The following ARHGAP6 variants were observed in gnomAD, a reference collection of about 807,000 sequenced individuals.
The protein encoded by ARHGAP6 is Rho GTPase activating protein 6, also known as rho GTPase-activating protein 6.
A neutral mutation model predicts 55.7 loss-of-function variants in ARHGAP6; 16 were observed. The ratio of observed to expected loss-of-function variants is 0.29; its 90% CI spans 0.19 to 0.44. The LOEUF (loss-of-function observed/expected upper bound fraction) is 0.44. Among genes scored for constraint, ARHGAP6 ranks in the 20% least tolerant of loss-of-function variants. The probability of loss-of-function intolerance (pLI) is 1.00; values close to 1 mark genes in which losing one functional copy is unlikely to be tolerated. For synonymous variants in ARHGAP6, 382 were observed against 360.9 expected (o/e 1.06, Z -0.66); for missense variants, 698 against 808.9 (o/e 0.86, Z 1.66).
At chrX:11,241,666 T>C (rs930619487) in intron 2 of ARHGAP6, among the ~76,000 whole-genome samples, 3 of 110,490 alleles carry the variant, frequency 2.7e-5, no homozygotes, top group Non-Finnish European at 5.7e-5. Context: ...TATTAACTTA[T>C]ACTTAACAGT....
chrX:11,595,733 G>GA (rs917024821), intron 1 of ARHGAP6, among the ~76,000 whole-genome samples: 15 of 110,258 alleles, frequency 1.4e-4, no homozygotes, highest in Non-Finnish European at 2.1e-4. Flanking sequence ...TTTACAAGGG[G>GA]AAAAAAAACC....
intron 1 of ARHGAP6, among the ~76,000 whole-genome samples, chrX:11,286,555 G>GTTCT (rs1446389526): frequency 4.5e-5 from 5 of 111,279 alleles, no homozygotes; most frequent in African/African-American, 1.6e-4. Flanking sequence ...ACCCAGCTCA[G>GTTCT]TTCTTAGGTA....
At chrX:11,636,759 C>T (rs1174913134) in intron 1 of ARHGAP6, among the ~76,000 whole-genome samples, 1 of 111,809 alleles carries the variant, frequency 8.9e-6, no homozygotes, top group Non-Finnish European at 1.9e-5. Flanking sequence ...GATCAAGGCT[C>T]AGGTGGGCAT....
intron 1 of ARHGAP6, among the ~76,000 whole-genome samples, chrX:11,464,878 T>C (rs894817841): frequency 8.9e-6 from 1 of 112,190 alleles, no homozygotes; most frequent in Non-Finnish European, 1.9e-5. Context: ...CAAAGAGACA[T>C]AGTAAGTGAG....
At chrX:11,514,949 G>A in intron 1 of ARHGAP6, among the ~76,000 whole-genome samples, 1 of 109,989 alleles carries the variant, frequency 9.1e-6, no homozygotes, top group African/African-American at 3.3e-5. Flanking sequence ...ACCCTCACTG[G>A]TTTCTCCTAT....
At chrX:11,561,869 C>A (rs1265295496) in intron 1 of ARHGAP6, among the ~76,000 whole-genome samples, 1 of 112,165 alleles carries the variant, frequency 8.9e-6, no homozygotes, top group East Asian at 2.8e-4. Context: ...AAGGATGCAA[C>A]ATCTGGATGT....
chrX:11,464,087 C>T (rs1047239059), intron 1 of ARHGAP6, among the ~76,000 whole-genome samples: 3 of 108,342 alleles, frequency 2.8e-5, no homozygotes, highest in East Asian at 2.9e-4. Context: ...TGGATAGATG[C>T]GGCTAAACCT....
chrX:11,375,911 AAAGG>A (rs2049195054), intron 1 of ARHGAP6, among the ~76,000 whole-genome samples: 1 of 112,139 alleles, frequency 8.9e-6, no homozygotes, highest in Non-Finnish European at 1.9e-5. Context: ...CCAGGAAGAT[AAAGG>A]AAGTTCAAAA....
rs2050154963 is a variant in ARHGAP6 at position 11,452,692 on chromosome X, A to G, written c.589-197985T>C. Among the ~76,000 whole-genome samples, 3 of 111,903 alleles carry G rather than the reference A, an allele frequency of 2.7e-5. No homozygotes were observed. In the Admixed American group the frequency reaches 2.8e-4, roughly 11 times the overall value. On this transcript the variant is annotated intron_variant, in intron 1 of 12. Transcript: ENST00000337414. ...CAAATAATTGAATTTTTCAACCTTC[A>G]AAACTTCAATATTCTGCTCACATAC...
intron 7 of ARHGAP6, 111 bp downstream of exon 7, chrX:11,179,191 G>T: frequency 1.3e-6 from 1 of 790,609 alleles, no homozygotes; most frequent in Non-Finnish European, 1.7e-6. Context: ...TTTAGAGATT[G>T]ATAAATAAGG....
At chrX:11,356,174 C>T (rs2048928173) in intron 1 of ARHGAP6, among the ~76,000 whole-genome samples, 1 of 110,284 alleles carries the variant, frequency 9.1e-6, no homozygotes, top group African/African-American at 3.3e-5. Flanking sequence ...ACTAGTTTGA[C>T]ACACCACATG....
At chrX:11,411,222 T>TATATATATAA (rs1385399573) in intron 1 of ARHGAP6, among the ~76,000 whole-genome samples, 20 of 79,523 alleles carry the variant, frequency 2.5e-4, no homozygotes, top group Non-Finnish European at 3.3e-4. Flanking sequence ...TATATATATA[T>TATATATATAA]AAAATATACA....
At chrX:11,360,838 T>C (rs1281614285) in intron 1 of ARHGAP6, among the ~76,000 whole-genome samples, 20 of 111,115 alleles carry the variant, frequency 1.8e-4, no homozygotes, top group Non-Finnish European at 3.2e-4. Flanking sequence ...TGTACAAAAA[T>C]CACAAGCATT....
chrX:11,519,413 T>C (rs1371510619), intron 1 of ARHGAP6, among the ~76,000 whole-genome samples: 1 of 109,388 alleles, frequency 9.1e-6, no homozygotes, highest in Admixed American at 9.8e-5. Flanking sequence ...TCATGTGTTT[T>C]TTGGCTGCAT....
intron 3 of ARHGAP6, among the ~76,000 whole-genome samples, chrX:11,191,965 A>G (rs999138016): frequency 3.6e-5 from 4 of 111,460 alleles, no homozygotes; most frequent in Non-Finnish European, 7.5e-5. Context: ...TCAGAGCTCA[A>G]TCTTAACCAT....
intron 2 of ARHGAP6, among the ~76,000 whole-genome samples, chrX:11,236,310 G>A (rs990820575): frequency 7.2e-5 from 8 of 111,368 alleles, no homozygotes; most frequent in South Asian, 3.8e-4. Flanking sequence ...TCACTATTAC[G>A]AGAACAGCAT....
intron 1 of ARHGAP6, among the ~76,000 whole-genome samples, chrX:11,316,138 G>T (rs934420503): frequency 1.8e-5 from 2 of 111,693 alleles, no homozygotes; most frequent in South Asian, 3.8e-4. Flanking sequence ...AATTTCAATG[G>T]TTCCATCTTG....
intron 1 of ARHGAP6, among the ~76,000 whole-genome samples, chrX:11,434,042 G>A (rs2049964488): frequency 9.0e-6 from 1 of 111,604 alleles, no homozygotes. Context: ...TTGCCACTGA[G>A]GAGAAACTTG....
At chrX:11,243,398 G>C (rs1259339238) in intron 2 of ARHGAP6, among the ~76,000 whole-genome samples, 1 of 111,695 alleles carries the variant, frequency 9.0e-6, no homozygotes, top group East Asian at 2.8e-4. Flanking sequence ...TTGGGCACTG[G>C]CAGGTGTTGC....
Sources: gnomAD v4.1 joint callset for allele counts (sites outside exome capture counted in the v4.1 genomes callset) on GRCh38, gnomAD v4.1.1 for gene constraint, MANE v1.5 for transcripts, NCBI Gene and HGNC (gene_info 2026-07-23, HGNC 2026-07-21) for gene names.